Variants in TYW1 observed in about 807,000 individuals in gnomAD.
The protein encoded by TYW1 is S-adenosyl-L-methionine-dependent tRNA 4-demethylwyosine synthase TYW1.
Under a neutral mutation model 96.2 loss-of-function variants are expected in TYW1, and 46 were observed. The observed-to-expected ratio is 0.48, with a 90% CI of 0.38 to 0.61. The LOEUF (loss-of-function observed/expected upper bound fraction) is 0.61. TYW1 is among the 20% of genes least tolerant of loss of function. TYW1 has a pLI of 0.00. For synonymous variants in TYW1, 274 were observed against 323.0 expected, an observed-to-expected ratio of 0.85 and a Z score of 1.63; for missense variants, 684 against 909.6, an observed-to-expected ratio of 0.75 and a Z score of 3.19.
chr7:67,194,844 A>G (rs1800338338), intron 14 of TYW1, among the ~76,000 whole-genome samples: 1 of 144,898 alleles, frequency 6.9e-6, no homozygotes, highest in South Asian at 2.2e-4. Context: ...TAGTGCACAG[A>G]TGAATCTGAA....
At chr7:67,149,015 CG>C (rs1037669691) in intron 13 of TYW1, among the ~76,000 whole-genome samples, 22 of 152,164 alleles carry the variant, frequency 1.4e-4, no homozygotes, top group African/African-American at 5.1e-4. Flanking sequence ...CCCCAACCCC[CG>C]GTCTTGACTA....
At chr7:67,119,668 T>C (rs1252567767) in intron 13 of TYW1, among the ~76,000 whole-genome samples, 2 of 152,176 alleles carry the variant, frequency 1.3e-5, no homozygotes, top group African/African-American at 4.8e-5. Context: ...TTTATATCTA[T>C]TAAAAAACAC....
At chr7:67,021,106 C>T (rs1474957394) in intron 6 of TYW1, among the ~76,000 whole-genome samples, 1 of 152,286 alleles carries the variant, frequency 6.6e-6, no homozygotes. Context: ...TTAGTTCAGG[C>T]CAACATCTTT....
At chr7:67,070,781 G>C (rs1398670123) in intron 10 of TYW1, among the ~76,000 whole-genome samples, 1 of 152,068 alleles carries the variant, frequency 6.6e-6, no homozygotes, top group Non-Finnish European at 1.5e-5. Context: ...AATACATGCT[G>C]GGAATACACA....
At chr7:67,210,213 G>A (rs1017470344) in intron 15 of TYW1, among the ~76,000 whole-genome samples, 1 of 152,074 alleles carries the variant, frequency 6.6e-6, no homozygotes, top group Non-Finnish European at 1.5e-5. Flanking sequence ...GGGTACTCGA[G>A]GGATTTTGTG....
At chr7:67,105,762 C>T (rs2115900978) in intron 12 of TYW1, among the ~76,000 whole-genome samples, 1 of 152,180 alleles carries the variant, frequency 6.6e-6, no homozygotes, top group East Asian at 1.9e-4. Flanking sequence ...AACTGAGAGG[C>T]CACATAGTCC....
intron 11 of TYW1, among the ~76,000 whole-genome samples, chr7:67,096,347 A>C (rs1796914408): frequency 6.6e-6 from 1 of 152,164 alleles, no homozygotes; most frequent in South Asian, 2.1e-4. Flanking sequence ...CTATTTTGCC[A>C]CTGCAATCCA....
Position 67,009,591 on chromosome 7 carries a change from A to G in TYW1, c.282A>G (p.Ala94=), listed in dbSNP as rs780118431. The change falls in exon 4 of 16, where the codon GCA becomes GCG. Residue 94 remains alanine (A), a synonymous_variant. Transcript: ENST00000359626. ...GSQTGTAKGF[A]TVLAEAVTSL... is the part of the protein sequence containing the mutation. The stretch of plus-strand genomic sequence containing the variant: ...TTTTTTGGTCCTATTAGGGATTCGC[A>G]ACAGTTCTTGCTGAAGCAGTTACAT... 1 of 1,611,706 alleles carries G rather than the reference A, an allele frequency of 6.2e-7. No homozygotes were observed. Among genetic ancestry groups the G allele is most frequent in the East Asian group, 2.2e-5 (1 of 44,800 alleles).
intron 4 of TYW1, among the ~76,000 whole-genome samples, chr7:67,011,719 A>G (rs562178364): frequency 4.6e-5 from 7 of 152,206 alleles, no homozygotes; most frequent in Middle Eastern, 3.4e-3. Flanking sequence ...TCAAAATACA[A>G]AAATTAGCTG....
chr7:67,006,948 C>CTCTTTTTTTTTTT, intron 3 of TYW1, among the ~76,000 whole-genome samples: 1 of 45,118 alleles, frequency 2.2e-5, no homozygotes, highest in Non-Finnish European at 3.7e-5. Flanking sequence ...AGATGTGAGG[C>CTCTTTTTTTTTTT]TTTTTTTTTT....
intron 11 of TYW1, 52 bp from the exon 12 acceptor site, chr7:67,098,489 C>T: frequency 6.7e-7 from 1 of 1,482,062 alleles, no homozygotes. Context: ...ACGTAAGTGA[C>T]ATCCTCTATC....
At chr7:67,003,572 C>T (rs1305405641) in intron 3 of TYW1, among the ~76,000 whole-genome samples, 1 of 151,484 alleles carries the variant, frequency 6.6e-6, no homozygotes, top group Non-Finnish European at 1.5e-5. Flanking sequence ...ATGAGGATTA[C>T]AGAATTGTTT....
chr7:67,079,572 GT>G (rs1201045117), intron 10 of TYW1, among the ~76,000 whole-genome samples: 4 of 149,620 alleles, frequency 2.7e-5, no homozygotes, highest in Non-Finnish European at 5.9e-5. Context: ...TGATTTTTGT[GT>G]TCTTTTAGTC....
intron 7 of TYW1, among the ~76,000 whole-genome samples, chr7:67,025,366 TA>T (rs3980716): frequency 0.053 from 7,840 of 148,766 alleles, 274 homozygotes; most frequent in Admixed American, 0.073. Flanking sequence ...GCTGATGAGC[TA>T]AAAAAAAAAA....
intron 10 of TYW1, among the ~76,000 whole-genome samples, chr7:67,081,756 T>C (rs539747978): frequency 6.6e-6 from 1 of 151,144 alleles, no homozygotes; most frequent in East Asian, 1.9e-4. Context: ...TCTTCTCCTC[T>C]TCCTCTTCCT....
At chr7:67,206,039 T>A (rs936989215) in intron 15 of TYW1, among the ~76,000 whole-genome samples, 1 of 152,238 alleles carries the variant, frequency 6.6e-6, no homozygotes, top group African/African-American at 2.4e-5. Flanking sequence ...GCACGTCTAC[T>A]CCATCTTGTC....
At chr7:67,213,028 C>T (rs945670303) in intron 15 of TYW1, among the ~76,000 whole-genome samples, 2 of 138,522 alleles carry the variant, frequency 1.4e-5, no homozygotes, top group Admixed American at 7.2e-5. Context: ...GGTGCCACCA[C>T]ACCCAGCTAA....
rs185644883 is a variant in TYW1 at position 67,067,319 on chromosome 7, A to G, written c.1190A>G (p.His397Arg). The stretch of plus-strand genomic sequence containing the variant: ...CGAGGGAGAGGAGGTTGTTACAAAC[A>G]CACATTCTATGGAATTGAGAGCCAT... ...MLRGRGGCYK[H>R]TFYGIESHRC... Residue 397 changes from histidine (H) to arginine (R), a missense_variant, in exon 10 of 16, where the codon CAC becomes CGC. By Grantham distance (29) the His-to-Arg change is conservative. Coordinates refer to ENST00000359626, the MANE Select transcript of TYW1 (RefSeq NM_018264.4). The G allele has an allele frequency of 6.8e-6, 11 of 1,614,002 alleles. No individual in the cohort carries two copies. Among genetic ancestry groups the G allele is most frequent in the Non-Finnish European group, 9.3e-6 (11 of 1,179,862 alleles).
chr7:67,210,906 AT>A (rs1342682027), intron 15 of TYW1, among the ~76,000 whole-genome samples: 12,802 of 141,396 alleles, frequency 0.091, 679 homozygotes, highest in Middle Eastern at 0.14. Flanking sequence ...CCATCTGTCC[AT>A]CCATCTATCC....
Sources: gnomAD v4.1 joint callset for allele counts (sites outside exome capture counted in the v4.1 genomes callset) on GRCh38, gnomAD v4.1.1 for gene constraint, MANE v1.5 for transcripts, NCBI Gene and HGNC (gene_info 2026-07-23, HGNC 2026-07-21) for gene names.